RBM20: variants seen among roughly 807,000 people sequenced by gnomAD.
The protein encoded by RBM20 is RNA-binding protein 20.
A neutral mutation model predicts 110.1 loss-of-function variants in RBM20; 51 were observed. The observed-to-expected ratio is 0.46, with a 90% CI of 0.37 to 0.59. RBM20 has a LOEUF of 0.59. Among genes scored for constraint, RBM20 ranks in the 20% least tolerant of loss-of-function variants. RBM20 has a pLI of 0.00. For missense variants in RBM20, 1,512 were observed against 1,574.9 expected (o/e 0.96, Z 0.68); for synonymous variants, 589 against 618.2 (o/e 0.95, Z 0.70).
chr10:110,683,050 G>T (rs888973467), intron 1 of RBM20, among the ~76,000 whole-genome samples: 1 of 146,278 alleles, frequency 6.8e-6, no homozygotes, highest in Non-Finnish European at 1.5e-5. Flanking sequence ...CACAATTTTT[G>T]ATTGTGTCAT....
rs769037364 is a variant in RBM20 at position 110,700,448 on chromosome 10, C to A, written c.191+55803C>A. Among the ~76,000 whole-genome samples, 33 of 152,268 alleles carry A rather than the reference C, an allele frequency of 2.2e-4. No homozygotes were observed. The Middle Eastern group carries it at 0.017, about 78-fold the overall frequency. On this transcript the variant is annotated intron_variant, in intron 1 of 13. Transcript: ENST00000369519. ...AGAGGAGCTGTACCAATTAAGAAAT[C>A]CTTGGCTGCCAACAGGAACCCCAAC...
At chr10:110,796,317 C>T (rs1478768721) in intron 5 of RBM20, among the ~76,000 whole-genome samples, 1 of 152,170 alleles carries the variant, frequency 6.6e-6, no homozygotes, top group African/African-American at 2.4e-5. Flanking sequence ...ACATACGGAA[C>T]AGTAGAGACC....
At chr10:110,783,221 AG>A in intron 2 of RBM20, 144 bp from the exon 3 acceptor site, 1 of 624,856 alleles carries the variant, frequency 1.6e-6, no homozygotes, top group South Asian at 1.6e-5. Context: ...GGAGGGAGAG[AG>A]GAAGGGTGGA....
intron 1 of RBM20, among the ~76,000 whole-genome samples, chr10:110,736,825 T>G (rs570882695): frequency 6.6e-6 from 1 of 152,076 alleles, no homozygotes; most frequent in South Asian, 2.1e-4. Flanking sequence ...TATTAAGAGG[T>G]GGAGCCTTTG....
Position 110,829,720 on chromosome 10 carries a change from C to T in RBM20, c.3452-1341C>T, listed in dbSNP as rs1004378219. ...AGGTGGGAGGAGGAAAGTGAAGCCA[C>T]CCAACCAGCTGGGCTTGCAGTCGGT... On this transcript the variant is annotated intron_variant, in intron 12 of 13. Transcript: ENST00000369519. Among the ~76,000 whole-genome samples the T allele has an allele frequency of 3.9e-5, 6 of 152,326 alleles. No homozygotes were observed. In the East Asian group the frequency reaches 9.6e-4, roughly 24 times the overall value.
In RBM20 at chr10:110,737,193, A is replaced by AAACAAAAC. The variant is rs1554894303; in HGVS notation, c.192-43606_192-43605insCAAAACAA. Among the ~76,000 whole-genome samples, 9 of 116,514 alleles carry AAACAAAAC rather than the reference A, an allele frequency of 7.7e-5. No individual in the cohort carries two copies. In the South Asian group the frequency reaches 7.8e-4, roughly 10 times the overall value. The allele number at this position is 116,514 out of a possible 152,430, so 76.4% of individuals were successfully genotyped here. A position where few individuals can be genotyped will look rare whatever the true frequency, so the allele number is the denominator to read the frequency against. On this transcript the variant is annotated intron_variant, in intron 1 of 13. Transcript: ENST00000369519. ...ACTCTGCCTCAAAAAAAAAAAAAAAAAAAACACCCCACACACACACTCAAA... is the reference window on the plus strand; with the variant it reads ...ACTCTGCCTCAAAAAAAAAAAAAAAAAACAAAACAAAACACCCCACACACACACTCAAA...
intron 5 of RBM20, among the ~76,000 whole-genome samples, chr10:110,792,175 C>CTATCTATT (rs1844492831): frequency 6.6e-6 from 1 of 151,680 alleles, no homozygotes; most frequent in African/African-American, 2.4e-5. Flanking sequence ...ATCTATCTAT[C>CTATCTATT]TATCTATCTA....
chr10:110,834,629 T>C (rs1316341066), intron 13 of RBM20, among the ~76,000 whole-genome samples: 1 of 152,356 alleles, frequency 6.6e-6, no homozygotes, highest in African/African-American at 2.4e-5. Context: ...AGCAACCTTA[T>C]GTTGTTGTTA....
At chr10:110,735,985 C>A (rs776878285) in intron 1 of RBM20, among the ~76,000 whole-genome samples, 4 of 152,196 alleles carry the variant, frequency 2.6e-5, no homozygotes, top group Non-Finnish European at 5.9e-5. Flanking sequence ...CCTCTGATGG[C>A]AGATTAACTA....
Position 110,644,386 on chromosome 10 carries a change from G to T in RBM20, c.-69G>T. ...TGGGCACGGGGACCCCGGCCAGTGA[G>T]CGCCCGTGGCCCGGGACCGCCCCTC... On this transcript the variant is annotated 5_prime_UTR_variant, in exon 1 of 14. Transcript: ENST00000369519. The surrounding 1 kb of genome is among the most constrained non-coding windows in gnomAD (Gnocchi z 4.3). The T allele has an allele frequency of 5.5e-6, 7 of 1,275,300 alleles. No homozygotes were observed. The highest frequency in any genetic ancestry group is 7.1e-6 in the Non-Finnish European group (7 of 986,056). The allele number at this position is 1,275,300 out of a possible 1,614,324, so 79.0% of individuals were successfully genotyped here.
intron 1 of RBM20, among the ~76,000 whole-genome samples, chr10:110,736,128 C>T (rs903552293): frequency 2.0e-5 from 3 of 152,238 alleles, no homozygotes; most frequent in Non-Finnish European, 4.4e-5. Flanking sequence ...TCTCAAATAA[C>T]ATGTATTTAG....
At chr10:110,764,068 A>C (rs1170413618) in intron 1 of RBM20, among the ~76,000 whole-genome samples, 1 of 152,190 alleles carries the variant, frequency 6.6e-6, no homozygotes. Flanking sequence ...AAGGTATTGC[A>C]GTTACCACTG....
chr10:110,767,616 G>T (rs1260072351), intron 1 of RBM20, among the ~76,000 whole-genome samples: 1 of 151,840 alleles, frequency 6.6e-6, no homozygotes, highest in African/African-American at 2.4e-5. Flanking sequence ...CTCAGACGGG[G>T]CGGACGGGCA....
chr10:110,792,181 A>G (rs918165356), intron 5 of RBM20, among the ~76,000 whole-genome samples: 1 of 151,526 alleles, frequency 6.6e-6, no homozygotes, highest in Non-Finnish European at 1.5e-5. Flanking sequence ...CTATCTATCT[A>G]TCTATCTATG....
At chr10:110,695,906 C>T (rs987900143) in intron 1 of RBM20, among the ~76,000 whole-genome samples, 6 of 152,156 alleles carry the variant, frequency 3.9e-5, no homozygotes, top group Admixed American at 6.5e-5. Flanking sequence ...ATTTGTTAAA[C>T]GAGTCACTGA....
At chr10:110,805,959 C>T (rs551121660) in intron 7 of RBM20, among the ~76,000 whole-genome samples, 5 of 152,172 alleles carry the variant, frequency 3.3e-5, no homozygotes, top group Admixed American at 2.0e-4. Flanking sequence ...TGTATTAGTC[C>T]GTTCTCACAC....
At chr10:110,674,037 C>T (rs1438129649) in intron 1 of RBM20, among the ~76,000 whole-genome samples, 6 of 152,080 alleles carry the variant, frequency 3.9e-5, no homozygotes, top group Admixed American at 3.9e-4. Context: ...ATCCTCCTTC[C>T]TGCATTTTTA....
intron 1 of RBM20, among the ~76,000 whole-genome samples, chr10:110,699,233 G>A (rs1354617316): frequency 6.9e-6 from 1 of 144,576 alleles, no homozygotes; most frequent in Non-Finnish European, 1.5e-5. Context: ...AAAGTATGAG[G>A]GCATCTTTAA....
At chr10:110,775,867 A>G (rs1433198707) in intron 1 of RBM20, among the ~76,000 whole-genome samples, 1 of 152,214 alleles carries the variant, frequency 6.6e-6, no homozygotes, top group Non-Finnish European at 1.5e-5. Context: ...GGGTGGATTC[A>G]GGAGAAGCTG....
Sources: gnomAD v4.1 joint callset for allele counts (sites outside exome capture counted in the v4.1 genomes callset) on GRCh38, gnomAD v4.1.1 for gene constraint, Gnocchi (gnomAD v3.1) non-coding constraint, MANE v1.5 for transcripts, NCBI Gene and HGNC (gene_info 2026-07-23, HGNC 2026-07-21) for gene names.